Variants in SYNE1 observed in about 807,000 individuals in gnomAD.
The protein encoded by SYNE1 is nesprin-1.
A neutral mutation model predicts 1,111.0 loss-of-function variants in SYNE1; 616 were observed. That is an observed-to-expected ratio of 0.55 (90% confidence interval 0.52 to 0.59). The LOEUF is 0.59. SYNE1 is among the 20% of genes least tolerant of loss of function. The pLI is 0.00. For synonymous variants in SYNE1, 3,855 were observed against 3,825.8 expected (o/e 1.01, Z -0.28); for missense variants, 10,006 against 10,417.0 (o/e 0.96, Z 1.72).
chr6:152,425,806 G>A (rs571176169), intron 38 of SYNE1, among the ~76,000 whole-genome samples: 2 of 152,330 alleles, frequency 1.3e-5, no homozygotes, highest in South Asian at 4.1e-4. Context: ...TCTAAATCAA[G>A]TAATAAAATG....
chr6:152,198,033 G>A (rs1021938040), intron 127 of SYNE1, among the ~76,000 whole-genome samples: 3 of 151,104 alleles, frequency 2.0e-5, no homozygotes, highest in African/African-American at 7.3e-5. Flanking sequence ...GAGGGGAGAA[G>A]GAAGGAAGGT....
chr6:152,252,282 A>G (rs188186692), intron 104 of SYNE1, among the ~76,000 whole-genome samples: 70 of 151,440 alleles, frequency 4.6e-4, no homozygotes, highest in African/African-American at 1.6e-3. Context: ...CAATAAATAA[A>G]TTAAATAAAT....
chr6:152,399,606 C>A lies in SYNE1; in HGVS notation c.7237+10G>T, dbSNP rs755466802. 1.9e-6 allele frequency: 3 copies of A among 1,613,900 alleles called. No homozygotes were observed. In the African/African-American group the frequency reaches 4.0e-5, roughly 22 times the overall value. On this transcript the variant is annotated intron_variant, in intron 48 of 145. Transcript: ENST00000367255. ...ACAAACTACTCATGCTAAGGCCCCT[C>A]AGAACTCACCACTGAAGTGTTTTTC...
intron 93 of SYNE1, among the ~76,000 whole-genome samples, chr6:152,294,743 T>G (rs1339855137): frequency 6.6e-6 from 1 of 152,168 alleles, no homozygotes; most frequent in Non-Finnish European, 1.5e-5. Flanking sequence ...ACAAAGTGAA[T>G]GATGAAATAT....
In SYNE1 at chr6:152,628,412, G is replaced by A; in HGVS notation, c.-81C>T. On this transcript the variant is annotated 5_prime_UTR_variant, in exon 3 of 146. Coordinates refer to ENST00000367255, the MANE Select transcript of SYNE1 (RefSeq NM_182961.4). ...AGGGCTACACCACTCTAGAAAACATGCTTGGACTTTTCTAGATCTATTCTG... is the reference window on the plus strand; with the variant it reads ...AGGGCTACACCACTCTAGAAAACATACTTGGACTTTTCTAGATCTATTCTG... 1 of 1,380,380 alleles carries A rather than the reference G, an allele frequency of 7.2e-7. No homozygotes were observed. Among genetic ancestry groups the A allele is most frequent in the Non-Finnish European group, 1.0e-6 (1 of 967,694 alleles). The allele number at this position is 1,380,380 out of a possible 1,614,324, so 85.5% of individuals were successfully genotyped here.
At chr6:152,489,987 C>G (rs1219058942) in intron 11 of SYNE1, among the ~76,000 whole-genome samples, 1 of 152,180 alleles carries the variant, frequency 6.6e-6, no homozygotes, top group Non-Finnish European at 1.5e-5. Context: ...CTGTGACAAC[C>G]TCAGCGCTAA....
Position 152,451,063 on chromosome 6 carries a change from A to C in SYNE1, c.3170T>G (p.Ile1057Arg), listed in dbSNP as rs773198569. 6.2e-7 allele frequency: 1 copy of C among 1,614,122 alleles called. No individual in the cohort carries two copies. The highest frequency in any genetic ancestry group is 1.1e-5 in the South Asian group (1 of 91,084). The change falls in exon 26 of 146, where the codon ATA becomes AGA. Residue 1057 changes from isoleucine (I) to arginine (R), a missense_variant. Transcript: ENST00000367255. ...KLMPQEGSEK[I>R]IKEHRVFFSD... ...GAGACGTACCCTGTGCTCTTTAATT[A>C]TCTTTTCACTGCCTTCCTGGGGCAT... is the stretch of plus-strand genomic sequence containing the variant.
At chr6:152,478,255 A>G (rs369127579) in intron 14 of SYNE1, among the ~76,000 whole-genome samples, 14 of 152,330 alleles carry the variant, frequency 9.2e-5, no homozygotes, top group East Asian at 3.9e-4. Flanking sequence ...TAGAAAGAAG[A>G]AAGAGCCAAT....
intron 66 of SYNE1, 29 bp downstream of exon 66, chr6:152,358,344 C>A: frequency 6.2e-7 from 1 of 1,613,934 alleles, no homozygotes; most frequent in Non-Finnish European, 8.5e-7. Context: ...AATGAAGATT[C>A]CTTTGTTTTA....
chr6:152,605,076 A>AAGGAAGGAAG (rs2099610951), intron 3 of SYNE1, among the ~76,000 whole-genome samples: 15 of 32,350 alleles, frequency 4.6e-4, no homozygotes, highest in African/African-American at 1.7e-3. Flanking sequence ...GAGGGAGGAA[A>AAGGAAGGAAG]GAAGGAAGGA....
At chr6:152,633,013 G>T (rs749055638) in intron 2 of SYNE1, among the ~76,000 whole-genome samples, 7 of 152,206 alleles carry the variant, frequency 4.6e-5, no homozygotes, top group Non-Finnish European at 7.3e-5. Flanking sequence ...AAGGTCATGA[G>T]ATCCTCCAAC....
At chr6:152,443,303 C>G (rs539377094) in intron 30 of SYNE1, among the ~76,000 whole-genome samples, 2 of 152,134 alleles carry the variant, frequency 1.3e-5, no homozygotes, top group Non-Finnish European at 2.9e-5. Flanking sequence ...CTTGCTCTGT[C>G]GCCCAGGCTG....
intron 55 of SYNE1, among the ~76,000 whole-genome samples, chr6:152,384,960 A>G (rs2097501859): frequency 6.6e-6 from 1 of 151,772 alleles, no homozygotes; most frequent in South Asian, 2.1e-4. Context: ...TTATGTTCTG[A>G]TCTTGGAATC....
chr6:152,511,119 A>T lies in SYNE1; in HGVS notation c.310-16T>A. 6.3e-7 allele frequency: 1 copy of T among 1,594,594 alleles called. No individual in the cohort carries two copies. Among genetic ancestry groups the T allele is most frequent in the Non-Finnish European group, 8.6e-7 (1 of 1,162,268 alleles). On this transcript the variant is annotated splice_polypyrimidine_tract_variant and intron_variant, in intron 6 of 145. Coordinates refer to ENST00000367255, the MANE Select transcript of SYNE1 (RefSeq NM_182961.4). ...CTAATTTAATCTGTTTAAAAAAGAGAAACTGTACTAGTAATGTACTAGAAT... is the reference window on the plus strand; with the variant it reads ...CTAATTTAATCTGTTTAAAAAAGAGTAACTGTACTAGTAATGTACTAGAAT...
At chr6:152,144,098 C>A (rs1006139590) in intron 137 of SYNE1, 13 of 381,012 alleles carry the variant, frequency 3.4e-5, no homozygotes, top group Non-Finnish European at 6.5e-5. Flanking sequence ...TTCTAAAAAT[C>A]TGCAATGGTG....
At chr6:152,401,722 A>C (rs1453047967) in intron 46 of SYNE1, among the ~76,000 whole-genome samples, 3 of 152,228 alleles carry the variant, frequency 2.0e-5, no homozygotes, top group Non-Finnish European at 4.4e-5. Flanking sequence ...ATGTAACACT[A>C]TCTGGGGCAA....
chr6:152,561,724 A>G (rs1301651049), intron 3 of SYNE1, among the ~76,000 whole-genome samples: 1 of 152,176 alleles, frequency 6.6e-6, no homozygotes, highest in Non-Finnish European at 1.5e-5. Context: ...CAATACATGG[A>G]TTGGAACAGA....
chr6:152,475,404 C>T (rs1192424651), intron 14 of SYNE1, among the ~76,000 whole-genome samples: 2 of 152,078 alleles, frequency 1.3e-5, no homozygotes, highest in Non-Finnish European at 2.9e-5. Context: ...TACAATTTGG[C>T]AAAATTATCT....
chr6:152,398,762 T>A (rs770616259), intron 48 of SYNE1, 31 bp from the exon 49 acceptor site: 8 of 1,564,392 alleles, frequency 5.1e-6, no homozygotes, highest in Non-Finnish European at 6.1e-6. Context: ...TAAATAAAAA[T>A]AAAAAATCAG....
Sources: allele counts gnomAD v4.1 joint callset (sites outside exome capture counted in the v4.1 genomes callset), GRCh38; gene constraint gnomAD v4.1.1; transcripts MANE v1.5; gene names NCBI Gene and HGNC (gene_info 2026-07-23, HGNC 2026-07-21).